Variants in SKIL observed in about 807,000 individuals in gnomAD.
The protein encoded by SKIL is SKI like proto-oncogene, also known as ski-like protein.
SKIL carries 20 observed loss-of-function variants against 69.6 expected under a neutral mutation model. That is an observed-to-expected ratio of 0.29 (90% CI 0.20 to 0.42). The LOEUF is 0.42. Ranked by LOEUF, SKIL falls within the 10% of genes least tolerant of loss-of-function variation. The pLI, the probability that SKIL is intolerant of heterozygous loss-of-function variation, is 1.00. For synonymous variants in SKIL, 310 were observed against 279.9 expected, an observed-to-expected ratio of 1.11 and a Z score of -1.08; for missense variants, 745 against 783.1, an observed-to-expected ratio of 0.95 and a Z score of 0.58.
In SKIL at chr3:170,361,268, A is replaced by C. The variant is rs1194079461; in HGVS notation, c.937A>C (p.Lys313Gln). 3 of 1,614,212 alleles carry C rather than the reference A, an allele frequency of 1.9e-6. No individual in the cohort carries two copies. In the African/African-American group the frequency reaches 4.0e-5, roughly 22 times the overall value. The change falls in exon 2 of 7, where the codon AAA (lysine) becomes CAA (glutamine). Residue 313 changes from lysine (K) to glutamine (Q), a missense_variant. Physicochemically the swap from Lys to Gln is moderately conservative, Grantham distance 53 (BLOSUM62 1). Transcript: ENST00000259119. ...FVMHSHRSPDKRTCHWGFESA... is the reference protein window; with the variant it reads ...FVMHSHRSPDQRTCHWGFESA... ...GATGCATTCTCACAGATCACCTGACAAAAGAACTTGCCACTGGGGCTTTGA... is the reference window on the plus strand; with the variant it reads ...GATGCATTCTCACAGATCACCTGACCAAAGAACTTGCCACTGGGGCTTTGA...
chr3:170,364,070 T>A (rs565931141), intron 2 of SKIL, among the ~76,000 whole-genome samples: 1 of 151,774 alleles, frequency 6.6e-6, no homozygotes, highest in Non-Finnish European at 1.5e-5. Context: ...CCTGCCTCAG[T>A]CTTCCGAGTA....
In SKIL at chr3:170,361,307, C is replaced by T; in HGVS notation, c.976C>T (p.His326Tyr). 6.2e-7 allele frequency: 1 copy of T among 1,614,078 alleles called. No individual in the cohort carries two copies. The highest frequency in any genetic ancestry group is 8.5e-7 in the Non-Finnish European group (1 of 1,180,002). The change falls in exon 2 of 7, where the codon CAT (histidine) becomes TAT (tyrosine). Residue 326 changes from histidine to tyrosine, a missense_variant. Physicochemically the swap from His to Tyr is moderately conservative, Grantham distance 83. Coordinates refer to ENST00000259119, the MANE Select transcript of SKIL (RefSeq NM_005414.5). ...CTGGGGCTTTGAATCAGCTAAATGG[C>T]ATTGCTATCTTCATGTGAACCAAAA... is the stretch of plus-strand genomic sequence containing the variant. ...CHWGFESAKWHCYLHVNQKYL... is the reference protein window; with the variant it reads ...CHWGFESAKWYCYLHVNQKYL...
chr3:170,378,734 C>T (rs1484880225), intron 2 of SKIL, among the ~76,000 whole-genome samples: 6 of 151,270 alleles, frequency 4.0e-5, no homozygotes, highest in South Asian at 2.1e-4. Context: ...GTAGAAACGG[C>T]GTTTCTCCAT....
intron 2 of SKIL, among the ~76,000 whole-genome samples, chr3:170,378,824 T>C (rs1253479108): frequency 6.6e-6 from 1 of 151,106 alleles, no homozygotes; most frequent in Non-Finnish European, 1.5e-5. Context: ...CATGAGCTGC[T>C]GCACCCGACC....
chr3:170,381,449 T>G (rs1267594757), intron 3 of SKIL, 108 bp downstream of exon 3: 1 of 640,016 alleles, frequency 1.6e-6, no homozygotes, highest in Admixed American at 2.3e-5. Context: ...TTATTTTTTT[T>G]GGTGGCAGAG....
At chr3:170,392,218 A>T in intron 6 of SKIL, 41 bp from the exon 7 acceptor site, 2 of 1,515,512 alleles carry the variant, frequency 1.3e-6, no homozygotes, top group Non-Finnish European at 1.8e-6. Flanking sequence ...AAATGGAAAA[A>T]CAAAACAATT....
intron 3 of SKIL, among the ~76,000 whole-genome samples, chr3:170,381,709 AG>A (rs1737360698): frequency 6.6e-6 from 1 of 151,976 alleles, no homozygotes; most frequent in East Asian, 1.9e-4. Context: ...CTGGGATTAC[AG>A]GTGTGAGCCA....
chr3:170,361,077 A>G lies in SKIL; in HGVS notation c.746A>G (p.Lys249Arg). ...FPQNGSVLPAKSSLAQLKETG... is the reference protein window; with the variant it reads ...FPQNGSVLPARSSLAQLKETG... Reference sequence around the variant, plus strand: ...CAAAATGGTAGCGTACTTCCTGCTAAAAGCTCATTGGCCCAGTTAAAGGAA... The same window carrying G: ...CAAAATGGTAGCGTACTTCCTGCTAGAAGCTCATTGGCCCAGTTAAAGGAA... Residue 249 changes from lysine to arginine, a missense_variant, in exon 2 of 7, where the codon AAA becomes AGA. By Grantham distance (26) the Lys-to-Arg change is conservative. Transcript: ENST00000259119. 2 of 1,614,252 alleles carry G rather than the reference A, an allele frequency of 1.2e-6. No homozygotes were observed. Among genetic ancestry groups the G allele is most frequent in the Non-Finnish European group, 1.7e-6 (2 of 1,180,046 alleles).
intron 2 of SKIL, among the ~76,000 whole-genome samples, chr3:170,377,560 T>C (rs1737095258): frequency 7.3e-6 from 1 of 136,624 alleles, no homozygotes. Context: ...TTTTTTTTTT[T>C]TTTTTTGAGA....
chr3:170,361,566 A>G, intron 2 of SKIL, 137 bp downstream of exon 2: 1 of 733,334 alleles, frequency 1.4e-6, no homozygotes, highest in Admixed American at 2.9e-5. Context: ...ATATATTTGT[A>G]TTGCAGTTTT....
chr3:170,376,325 G>A (rs771964669), intron 2 of SKIL, among the ~76,000 whole-genome samples: 3 of 152,018 alleles, frequency 2.0e-5, no homozygotes, highest in African/African-American at 7.2e-5. Flanking sequence ...GGGATTACAG[G>A]TGTGAGCCAC....
chr3:170,391,314 T>C (rs1184652120), intron 6 of SKIL, 54 bp downstream of exon 6: 2 of 1,048,102 alleles, frequency 1.9e-6, no homozygotes, highest in Non-Finnish European at 2.8e-6. Context: ...ATGGAAACTG[T>C]TACTTCTCTC....
intron 2 of SKIL, among the ~76,000 whole-genome samples, chr3:170,378,192 A>G (rs1737131936): frequency 6.6e-6 from 1 of 152,018 alleles, no homozygotes; most frequent in African/African-American, 2.4e-5. Context: ...TGCCCTGCCT[A>G]TTTTTGTCCT....
chr3:170,359,167 G>A (rs1443686487), intron 1 of SKIL, among the ~76,000 whole-genome samples: 1 of 152,164 alleles, frequency 6.6e-6, no homozygotes, highest in Non-Finnish European at 1.5e-5. Context: ...GGCCTTTTAT[G>A]TTATATTATT....
chr3:170,386,449 A>G (rs1201138960), intron 4 of SKIL, among the ~76,000 whole-genome samples: 6 of 151,754 alleles, frequency 4.0e-5, no homozygotes, highest in African/African-American at 7.3e-5. Flanking sequence ...CTATACATTT[A>G]TTTTGAGGGT....
Position 170,390,406 on chromosome 3 carries a change from A to ATT in SKIL, c.1615_1616dup (p.Leu539PhefsTer2). The ATT allele has an allele frequency of 6.2e-7, 1 of 1,613,052 alleles. No individual in the cohort carries two copies. The highest frequency in any genetic ancestry group is 8.5e-7 in the Non-Finnish European group (1 of 1,178,954). On this transcript the variant is annotated frameshift_variant, in exon 5 of 7. Transcript: ENST00000259119. LOFTEE classifies it high-confidence loss of function. ...ATCATGGAAGAAGTAATGAGAACTT[A>ATT]TTTAAAACAACAGGAAAAACTAAAC...
Position 170,391,201 on chromosome 3 carries a change from C to G in SKIL, c.1837C>G (p.Gln613Glu), listed in dbSNP as rs771033030. 6.2e-7 allele frequency: 1 copy of G among 1,612,336 alleles called. No individual in the cohort carries two copies. Among genetic ancestry groups the G allele is most frequent in the South Asian group, 1.1e-5 (1 of 90,870 alleles). The change falls in exon 6 of 7, where the codon CAA becomes GAA. Residue 613 changes from glutamine to glutamate, a missense_variant. Physicochemically the swap from Gln to Glu is conservative, Grantham distance 29. Transcript: ENST00000259119. Reference sequence around the variant, plus strand: ...GAAAAAATTGGAGCAGATAATGAAGCAAAAATGTACCTGTGACTCAAATTT... The same window carrying G: ...GAAAAAATTGGAGCAGATAATGAAGGAAAAATGTACCTGTGACTCAAATTT... ...LEKKLEQIMKQKCTCDSNLEK... is the reference protein window; with the variant it reads ...LEKKLEQIMKEKCTCDSNLEK...
chr3:170,357,902 C>T (rs537160340), intron 1 of SKIL, 139 bp downstream of exon 1: 4 of 152,958 alleles, frequency 2.6e-5, no homozygotes, highest in Non-Finnish European at 5.9e-5. Context: ...GCACCGAGGC[C>T]CGAGTAGGGG....
intron 2 of SKIL, among the ~76,000 whole-genome samples, chr3:170,363,048 G>A (rs1297101257): frequency 1.3e-5 from 2 of 151,440 alleles, no homozygotes; most frequent in African/African-American, 4.9e-5. Flanking sequence ...TTTAAAATGT[G>A]GCAAACATTA....
Sources: gnomAD v4.1 joint callset for allele counts (sites outside exome capture counted in the v4.1 genomes callset) on GRCh38, gnomAD v4.1.1 for gene constraint, MANE v1.5 for transcripts, NCBI Gene and HGNC (gene_info 2026-07-23, HGNC 2026-07-21) for gene names.